The following LONRF2 variants were observed in gnomAD, a reference collection of about 807,000 sequenced individuals.
LONRF2 encodes LON peptidase N-terminal domain and ring finger 2, also known as LON peptidase N-terminal domain and RING finger protein 2.
LONRF2 carries 35 observed loss-of-function variants against 66.6 expected under a neutral mutation model. That is an observed-to-expected ratio of 0.53 (90% CI 0.40 to 0.70). The LOEUF (loss-of-function observed/expected upper bound fraction) is 0.70, where lower values mean the gene tolerates loss of function less well. LONRF2 is among the 30% of genes least tolerant of loss of function. The pLI is 0.00. For synonymous variants in LONRF2, 417 were observed against 418.1 expected (o/e 1.00, Z 0.03); for missense variants, 902 against 1,002.1 (o/e 0.90, Z 1.35).
At position 100,275,951 on chromosome 2, in the gene LONRF2, T is replaced by G. The variant is rs930726661; in HGVS notation, c.*8347A>C. 8 of 152,236 alleles carry G rather than the reference T, an allele frequency of 5.3e-5. No homozygotes were observed. The highest frequency in any genetic ancestry group is 1.9e-4 in the African/African-American group (8 of 41,458). 9.4% of individuals were successfully genotyped at this position (152,236 alleles called of 1,614,324 possible). On this transcript the variant is annotated 3_prime_UTR_variant, in exon 12 of 12. Transcript: ENST00000393437. ...ATACACATACACACATATATACACA[T>G]GCAGATAGGCTATTTTAACGCAAAT...
Position 100,302,965 on chromosome 2 carries a change from C to G in LONRF2, c.877G>C (p.Ala293Pro). ...ACAGAGTTACATTCAGGATTCAGAGCAAGGCAGTAGAGAAATTCCTTTAAC... is the reference window on the plus strand; with the variant it reads ...ACAGAGTTACATTCAGGATTCAGAGGAAGGCAGTAGAGAAATTCCTTTAAC... Reference protein sequence around the residue: ...EVLKEFLYCLALNPECNSVKK... With the variant: ...EVLKEFLYCLPLNPECNSVKK... The change falls in exon 3 of 12, where the codon GCT becomes CCT. Residue 293 changes from alanine (A) to proline (P), a missense_variant. By Grantham distance (27) the Ala-to-Pro change is conservative (BLOSUM62 -1). Coordinates refer to ENST00000393437, the MANE Select transcript of LONRF2 (RefSeq NM_198461.4). 6.2e-7 allele frequency: 1 copy of G among 1,611,736 alleles called. No individual in the cohort carries two copies. The highest frequency in any genetic ancestry group is 8.5e-7 in the Non-Finnish European group (1 of 1,178,772).
At chr2:100,311,672 T>C (rs1013053077) in intron 1 of LONRF2, among the ~76,000 whole-genome samples, 1 of 152,202 alleles carries the variant, frequency 6.6e-6, no homozygotes, top group Admixed American at 6.5e-5. Flanking sequence ...ACATAAAATA[T>C]GTTTGTTGTA....
chr2:100,302,233 G>T (rs1194188925), intron 3 of LONRF2, among the ~76,000 whole-genome samples: 1 of 152,188 alleles, frequency 6.6e-6, no homozygotes, highest in Non-Finnish European at 1.5e-5. Context: ...TGACATTAAG[G>T]CAAAGATAAT....
intron 9 of LONRF2, among the ~76,000 whole-genome samples, chr2:100,290,749 C>T (rs890702204): frequency 8.5e-5 from 13 of 152,148 alleles, no homozygotes; most frequent in African/African-American, 2.2e-4. Flanking sequence ...GCCACCTTGG[C>T]GGGGCACCAT....
At chr2:100,317,227 C>G (rs952615590) in intron 1 of LONRF2, among the ~76,000 whole-genome samples, 22 of 151,682 alleles carry the variant, frequency 1.5e-4, no homozygotes, top group African/African-American at 5.3e-4. Flanking sequence ...CTCTCCTTCT[C>G]TATTCTTCCC....
At chr2:100,302,497 G>A (rs545953805) in intron 3 of LONRF2, among the ~76,000 whole-genome samples, 35 of 152,360 alleles carry the variant, frequency 2.3e-4, no homozygotes, top group African/African-American at 8.4e-4. Flanking sequence ...TCCACATTCA[G>A]TGTGACTGGA....
chr2:100,296,537 CA>C (rs1250850101), intron 7 of LONRF2, among the ~76,000 whole-genome samples: 1 of 152,154 alleles, frequency 6.6e-6, no homozygotes, highest in Non-Finnish European at 1.5e-5. Context: ...ATTTCCAACA[CA>C]CCATGGCTGG....
At chr2:100,285,008 A>G (rs1330742163) in intron 11 of LONRF2, among the ~76,000 whole-genome samples, 6 of 152,260 alleles carry the variant, frequency 3.9e-5, no homozygotes, top group African/African-American at 1.2e-4. Flanking sequence ...ATATATAAGA[A>G]TTATTATGCC....
At chr2:100,290,183 A>G (rs1227277634) in intron 10 of LONRF2, 75 bp downstream of exon 10, 1 of 1,403,648 alleles carries the variant, frequency 7.1e-7, no homozygotes, top group Non-Finnish European at 9.7e-7. Context: ...TACAAGTTTG[A>G]CAAAGCTTTT....
chr2:100,321,595 C>A lies in LONRF2; in HGVS notation c.499G>T (p.Val167Leu), dbSNP rs749677779. Residue 167 changes from valine to leucine, a missense_variant, in exon 1 of 12, where the codon GTG becomes TTG. Val to Leu is a conservative substitution (Grantham distance 32). Around this residue, in one of 2 missense-constraint regions of LONRF2, gnomAD observed 585 missense variants for 569.9 expected, o/e 1.03. Transcript: ENST00000393437. ...TGCGGCCGCGCGGGCCCTGGCTCCA[C>A]GCAGCGCTTGCAGACTGTGAGCCCG... The part of the protein sequence containing the change: ...PCGLTVCKRC[V>L]EPGPARPQVR... 3.9e-6 allele frequency: 6 copies of A among 1,524,532 alleles called. No homozygotes were observed. Among genetic ancestry groups the A allele is most frequent in the Non-Finnish European group, 5.2e-6 (6 of 1,148,248 alleles). 94.4% of individuals were successfully genotyped at this position (1,524,532 alleles called of 1,614,324 possible).
intron 5 of LONRF2, 45 bp from the exon 6 acceptor site, chr2:100,299,364 C>A: frequency 8.6e-7 from 1 of 1,156,950 alleles, no homozygotes; most frequent in South Asian, 1.5e-5. Flanking sequence ...CACCTAAGCA[C>A]CTGAACAACA....
chr2:100,307,656 G>C (rs1675325123), intron 2 of LONRF2, among the ~76,000 whole-genome samples: 1 of 152,142 alleles, frequency 6.6e-6, no homozygotes, highest in African/African-American at 2.4e-5. Context: ...ATAAGTTCAA[G>C]AGATCTATTA....
chr2:100,317,003 TTTTG>T (rs957993580), intron 1 of LONRF2, among the ~76,000 whole-genome samples: 7 of 152,228 alleles, frequency 4.6e-5, no homozygotes, highest in Non-Finnish European at 7.3e-5. Context: ...CATATCAGGC[TTTTG>T]TTTGTCAGTC....
Position 100,298,964 on chromosome 2 carries a change from T to A in LONRF2, c.1362-14A>T. Reference sequence around the variant, plus strand: ...TCAAAGAGCAATCTGGAAGAAAATATCTGTTTTCAGCCAGAAATGTCCAGG... The same window carrying A: ...TCAAAGAGCAATCTGGAAGAAAATAACTGTTTTCAGCCAGAAATGTCCAGG... On this transcript the variant is annotated splice_polypyrimidine_tract_variant and intron_variant, in intron 6 of 11. Coordinates refer to ENST00000393437, the MANE Select transcript of LONRF2 (RefSeq NM_198461.4). The A allele has an allele frequency of 6.3e-7, 1 of 1,586,438 alleles. No homozygotes were observed.
chr2:100,286,468 G>A (rs1397504300), intron 11 of LONRF2, among the ~76,000 whole-genome samples: 1 of 152,136 alleles, frequency 6.6e-6, no homozygotes, highest in East Asian at 1.9e-4. Context: ...TGGGCAGCAG[G>A]GTACTTAGAG....
In LONRF2 at chr2:100,311,411, C is replaced by T. The variant is rs558203880; in HGVS notation, c.680-2186G>A. 1.4e-3 allele frequency among the ~76,000 whole-genome samples: 206 copies of T among 151,894 alleles called. 1 individual carries two copies. Among genetic ancestry groups the T allele is most frequent in the African/African-American group, 4.8e-3 (197 of 41,426 alleles). ...GCTCCTGGAAGTATAGTTTTTTAGG[C>T]TTGGGTTATGCCTGCTGCAAACCTG... is the stretch of plus-strand genomic sequence containing the variant. On this transcript the variant is annotated intron_variant, in intron 1 of 11. Coordinates refer to ENST00000393437, the MANE Select transcript of LONRF2 (RefSeq NM_198461.4).
intron 1 of LONRF2, among the ~76,000 whole-genome samples, chr2:100,321,051 G>C (rs770387954): frequency 2.6e-4 from 39 of 152,160 alleles, no homozygotes; most frequent in Non-Finnish European, 5.6e-4. Flanking sequence ...TGCGCCTGTA[G>C]TGTGTCAGCT....
Position 100,300,659 on chromosome 2 carries a change from A to G in LONRF2, c.1050T>C (p.Asp350=). Residue 350 remains aspartate, a synonymous_variant, in exon 4 of 12, where the codon GAT becomes GAC. Coordinates refer to ENST00000393437, the MANE Select transcript of LONRF2 (RefSeq NM_198461.4). ...CACGTCATACCTCCGAGCTCCCTGC[A>G]TCACCTTCTTCCAGCAGAGCCTGGG... ...MNAQALLEEG[D]AGSSENSSEK... 6.2e-7 allele frequency: 1 copy of G among 1,611,928 alleles called. No homozygotes were observed. Among genetic ancestry groups the G allele is most frequent in the South Asian group, 1.1e-5 (1 of 90,414 alleles).
chr2:100,291,298 C>T (rs868053131), intron 9 of LONRF2, among the ~76,000 whole-genome samples: 2 of 152,112 alleles, frequency 1.3e-5, no homozygotes, highest in Non-Finnish European at 2.9e-5. Context: ...CAGATAAGAG[C>T]CTCCTTGATG....
Sources: allele counts gnomAD v4.1 joint callset (sites outside exome capture counted in the v4.1 genomes callset), GRCh38; gene constraint gnomAD v4.1.1; regional missense constraint gnomAD v4.1.1; transcripts MANE v1.5; gene names NCBI Gene and HGNC (gene_info 2026-07-23, HGNC 2026-07-21).